RBFOX1: variants seen among roughly 807,000 people sequenced by gnomAD.
RBFOX1 encodes the protein RNA binding protein fox-1 homolog 1.
Under a neutral mutation model 57.7 loss-of-function variants are expected in RBFOX1, and 8 were observed. That is an observed-to-expected ratio of 0.14 (90% CI 0.08 to 0.25). The LOEUF is 0.25. Among genes scored for constraint, RBFOX1 ranks in the 10% least tolerant of loss-of-function variants. The pLI is 1.00. For missense variants in RBFOX1, 611 were observed against 548.5 expected, an observed-to-expected ratio of 1.11 and a Z score of -1.14; for synonymous variants, 326 against 222.4, an observed-to-expected ratio of 1.47 and a Z score of -4.15.
At chr16:6,730,708 T>G (rs1603469261) in intron 3 of RBFOX1, among the ~76,000 whole-genome samples, 1 of 152,324 alleles carries the variant, frequency 6.6e-6, no homozygotes, top group East Asian at 1.9e-4. Flanking sequence ...TCCAAACGAT[T>G]TTTAAGGTCA....
intron 4 of RBFOX1, among the ~76,000 whole-genome samples, chr16:5,870,043 A>G (rs1447194786): frequency 6.6e-6 from 1 of 151,900 alleles, no homozygotes; most frequent in African/African-American, 2.4e-5. Context: ...TCTTAGTAAT[A>G]TAATATTATA....
At chr16:5,969,234 C>G (rs962331080) in intron 4 of RBFOX1, among the ~76,000 whole-genome samples, 8 of 148,818 alleles carry the variant, frequency 5.4e-5, no homozygotes, top group African/African-American at 1.7e-4. Context: ...AGATTTTAGT[C>G]TGCTCCTTTT....
intron 1 of RBFOX1, among the ~76,000 whole-genome samples, chr16:5,250,014 G>A (rs367685931): frequency 6.6e-6 from 1 of 151,644 alleles, no homozygotes; most frequent in Non-Finnish European, 1.5e-5. Context: ...TGAGGAGGAG[G>A]TTGCAGTAAG....
intron 8 of RBFOX1, among the ~76,000 whole-genome samples, chr16:7,596,154 GTT>G (rs370312335): frequency 0.45 from 58,624 of 130,930 alleles, 15,420 homozygotes; most frequent in Non-Finnish European, 0.57. Flanking sequence ...AAAACGAGAG[GTT>G]TTTACTAAAC....
At chr16:5,920,220 C>T (rs965027982) in intron 4 of RBFOX1, among the ~76,000 whole-genome samples, 3 of 152,226 alleles carry the variant, frequency 2.0e-5, no homozygotes, top group African/African-American at 7.2e-5. Context: ...AGGCCTGAGC[C>T]ACCACACCCG....
chr16:6,271,213 C>G (rs1490501015), intron 1 of RBFOX1, among the ~76,000 whole-genome samples: 1 of 152,148 alleles, frequency 6.6e-6, no homozygotes, highest in Non-Finnish European at 1.5e-5. Flanking sequence ...CACTAGAGGT[C>G]AGGAGTTTGA....
intron 4 of RBFOX1, among the ~76,000 whole-genome samples, chr16:7,456,651 C>G (rs1036276064): frequency 2.6e-5 from 4 of 152,130 alleles, no homozygotes; most frequent in African/African-American, 9.7e-5. Context: ...ATTTTGCCTC[C>G]CTTTCTTGCC....
intron 1 of RBFOX1, among the ~76,000 whole-genome samples, chr16:5,349,737 C>T (rs771077187): frequency 1.3e-5 from 2 of 151,894 alleles, no homozygotes; most frequent in Non-Finnish European, 2.9e-5. Flanking sequence ...CCTCGTTGCC[C>T]CTGAATGATT....
intron 4 of RBFOX1, among the ~76,000 whole-genome samples, chr16:7,485,822 G>C (rs933479168): frequency 6.6e-6 from 1 of 152,052 alleles, no homozygotes; most frequent in Non-Finnish European, 1.5e-5. Flanking sequence ...TTGGCATTTG[G>C]TTATCAGCTT....
At chr16:7,160,892 A>T (rs144420633) in intron 4 of RBFOX1, among the ~76,000 whole-genome samples, 1 of 150,174 alleles carries the variant, frequency 6.7e-6, no homozygotes, top group East Asian at 2.0e-4. Flanking sequence ...AAGCTTTCCA[A>T]TTCAACTCTA....
chr16:6,131,127 C>T (rs1411060939), intron 1 of RBFOX1, among the ~76,000 whole-genome samples: 2 of 152,150 alleles, frequency 1.3e-5, no homozygotes, highest in Non-Finnish European at 2.9e-5. Context: ...AAGTTCAGAA[C>T]ACTCATTCCT....
intron 1 of RBFOX1, among the ~76,000 whole-genome samples, chr16:6,095,109 C>T (rs28637263): frequency 0.031 from 4,789 of 152,184 alleles, 246 homozygotes; most frequent in African/African-American, 0.11. Flanking sequence ...CCAGTGGATT[C>T]CTTAGCACCT....
rs555872547 is a variant in RBFOX1, at chr16:5,291,355, C to T, written c.219+51250C>T. 4.6e-5 allele frequency among the ~76,000 whole-genome samples: 7 copies of T among 150,838 alleles called. No individual in the cohort carries two copies. The East Asian group carries it at 5.9e-4, about 13-fold the overall frequency. ...TCTGCTCACTGCAAGCTCCGCCTTC[C>T]GGGTTCACGCCATTCTCCTGCCTCA... On this transcript the variant is annotated intron_variant, in intron 1 of 2. Coordinates refer to the RBFOX1 transcript ENST00000585867.
intron 2 of RBFOX1, among the ~76,000 whole-genome samples, chr16:6,591,253 C>T (rs1210689661): frequency 6.6e-6 from 1 of 152,110 alleles, no homozygotes. Flanking sequence ...CAAGACCAGC[C>T]TGGCCAACAT....
intron 12 of RBFOX1, 45 bp downstream of exon 12, chr16:7,653,992 C>A: frequency 1.4e-6 from 2 of 1,449,598 alleles, no homozygotes; most frequent in Admixed American, 2.7e-5. Context: ...CACCAGCCCT[C>A]CCTCCCCAGA....
chr16:7,508,249 A>G (rs1472196529), intron 4 of RBFOX1, among the ~76,000 whole-genome samples: 1 of 152,078 alleles, frequency 6.6e-6, no homozygotes, highest in Non-Finnish European at 1.5e-5. Context: ...AAGTGCTGGG[A>G]TTACAAGCGT....
chr16:6,129,588 G>T (rs1169662693), intron 1 of RBFOX1, among the ~76,000 whole-genome samples: 1 of 151,380 alleles, frequency 6.6e-6, no homozygotes, highest in East Asian at 1.9e-4. Context: ...AGGAGAGAGA[G>T]AATAGGATAG....
intron 3 of RBFOX1, among the ~76,000 whole-genome samples, chr16:6,827,106 T>C (rs555766368): frequency 6.6e-6 from 1 of 152,288 alleles, no homozygotes; most frequent in Admixed American, 6.5e-5. Context: ...TCTCTTAGTG[T>C]CCTTTAATCT....
At chr16:7,179,349 C>G (rs1036757295) in intron 4 of RBFOX1, among the ~76,000 whole-genome samples, 1 of 152,050 alleles carries the variant, frequency 6.6e-6, no homozygotes, top group Non-Finnish European at 1.5e-5. Flanking sequence ...TTACCCCTTA[C>G]CTAAGAGAAC....
Sources: gnomAD v4.1 joint callset for allele counts (sites outside exome capture counted in the v4.1 genomes callset) on GRCh38, gnomAD v4.1.1 for gene constraint, MANE v1.5 for transcripts, NCBI Gene and HGNC (gene_info 2026-07-23, HGNC 2026-07-21) for gene names.